Variants in TBC1D1 observed in about 807,000 individuals in gnomAD.
TBC1D1 encodes TBC1 domain family member 1.
A neutral mutation model predicts 125.6 loss-of-function variants in TBC1D1; 89 were observed. The observed-to-expected ratio is 0.71, with a 90% CI of 0.60 to 0.85. The LOEUF (loss-of-function observed/expected upper bound fraction) is 0.85. Ranked by LOEUF, TBC1D1 falls within the 40% of genes least tolerant of loss-of-function variation. The probability of loss-of-function intolerance (pLI) is 0.00; values close to 1 mark genes in which losing one functional copy is unlikely to be tolerated. For synonymous variants in TBC1D1, 565 were observed against 564.1 expected (o/e 1.00, Z -0.02); for missense variants, 1,377 against 1,469.2 (o/e 0.94, Z 1.03).
At chr4:38,009,083 A>G (rs1740932759) in intron 2 of TBC1D1, among the ~76,000 whole-genome samples, 1 of 152,218 alleles carries the variant, frequency 6.6e-6, no homozygotes, top group Non-Finnish European at 1.5e-5. Flanking sequence ...AATTTAAGGC[A>G]TGTAAGATAG....
intron 5 of TBC1D1, 167 bp downstream of exon 5, chr4:38,020,862 C>G: frequency 2.1e-6 from 1 of 470,524 alleles, no homozygotes; most frequent in Non-Finnish European, 3.9e-6. Context: ...ACATCTGAAG[C>G]TTAATTGGCT....
chr4:38,030,511 A>G (rs148491667), intron 7 of TBC1D1: 74 of 152,320 alleles, frequency 4.9e-4, no homozygotes, highest in African/African-American at 1.7e-3. Context: ...CTTTTATTCT[A>G]GAGGCTTGTT....
chr4:37,947,195 C>T (rs540131355), intron 2 of TBC1D1, among the ~76,000 whole-genome samples: 2 of 152,124 alleles, frequency 1.3e-5, no homozygotes, highest in Non-Finnish European at 2.9e-5. Context: ...CTTGCTCTGT[C>T]GCCCAGGCTG....
intron 3 of TBC1D1, among the ~76,000 whole-genome samples, chr4:38,016,799 T>G (rs920906233): frequency 6.6e-6 from 1 of 152,298 alleles, no homozygotes; most frequent in East Asian, 1.9e-4. Context: ...CAGGCACAAC[T>G]TTATGGGTCT....
In TBC1D1 at chr4:38,064,452, G is replaced by A. The variant is rs192679180; in HGVS notation, c.2050+10114G>A. ...TAGGCTTTCCTGCAGGCTGCCATGT[G>A]CCTTTCTTCTGCCTAGGCTGAAACG... On this transcript the variant is annotated intron_variant, in intron 12 of 19. Transcript: ENST00000261439. 9.2e-5 allele frequency among the ~76,000 whole-genome samples: 14 copies of A among 152,238 alleles called. No individual in the cohort carries two copies. In the East Asian group the frequency reaches 2.5e-3, roughly 27 times the overall value.
intron 2 of TBC1D1, among the ~76,000 whole-genome samples, chr4:37,996,518 G>A (rs920027507): frequency 1.1e-4 from 16 of 152,230 alleles, no homozygotes; most frequent in Admixed American, 5.9e-4. Flanking sequence ...AACTGAAATG[G>A]TATGAGAGGA....
intron 2 of TBC1D1, among the ~76,000 whole-genome samples, chr4:37,923,963 A>G (rs922841495): frequency 3.3e-5 from 5 of 152,238 alleles, no homozygotes; most frequent in Admixed American, 6.5e-5. Flanking sequence ...TACAGGCGTG[A>G]GCCAATGCAC....
chr4:37,958,643 A>G (rs910595761), intron 2 of TBC1D1, among the ~76,000 whole-genome samples: 7 of 152,124 alleles, frequency 4.6e-5, no homozygotes. Context: ...CTTCTTTAGG[A>G]CACATATATG....
At position 38,044,266 on chromosome 4, in the gene TBC1D1, G is replaced by A. The variant is rs946791000; in HGVS notation, c.1414-96G>A. ...AGATCACAGACAGGATCAGAATGATGGCCTGGTGCCAAAAAGATGTGTCCT... is the reference window on the plus strand; with the variant it reads ...AGATCACAGACAGGATCAGAATGATAGCCTGGTGCCAAAAAGATGTGTCCT... On this transcript the variant is annotated intron_variant, in intron 8 of 19. Coordinates refer to ENST00000261439, the MANE Select transcript of TBC1D1 (RefSeq NM_015173.4). 16 of 1,348,192 alleles carry A rather than the reference G, an allele frequency of 1.2e-5. No individual in the cohort carries two copies. In the African/African-American group the frequency reaches 2.4e-4, roughly 20 times the overall value. The allele number at this position is 1,348,192 out of a possible 1,614,324, so 83.5% of individuals were successfully genotyped here.
intron 2 of TBC1D1, among the ~76,000 whole-genome samples, chr4:37,911,734 C>T (rs938135914): frequency 2.6e-5 from 4 of 152,116 alleles, no homozygotes; most frequent in Admixed American, 1.3e-4. Flanking sequence ...AGCCAAACAA[C>T]GCATGATTGT....
intron 13 of TBC1D1, among the ~76,000 whole-genome samples, chr4:38,091,652 G>A (rs1173023097): frequency 6.6e-6 from 1 of 152,246 alleles, no homozygotes. Context: ...GCTATAAAAT[G>A]GGAACGGTGC....
intron 8 of TBC1D1, 46 bp downstream of exon 8, chr4:38,035,744 G>A (rs1747087039): frequency 7.2e-7 from 1 of 1,389,524 alleles, no homozygotes; most frequent in Admixed American, 1.8e-5. Context: ...TCTCTGCCAA[G>A]TCTCTGTATA....
intron 1 of TBC1D1, among the ~76,000 whole-genome samples, chr4:37,900,116 G>A (rs1331302630): frequency 1.4e-5 from 2 of 139,108 alleles, no homozygotes; most frequent in Admixed American, 7.3e-5. Context: ...GCGAGGAGCC[G>A]TCTCAAAAAA....
intron 8 of TBC1D1, among the ~76,000 whole-genome samples, chr4:38,042,610 G>C (rs757743948): frequency 6.6e-6 from 1 of 152,100 alleles, no homozygotes; most frequent in African/African-American, 2.4e-5. Flanking sequence ...ACAGCTCTGC[G>C]AGGAAAGTTC....
At chr4:38,107,071 T>C (rs1761434027) in intron 15 of TBC1D1, among the ~76,000 whole-genome samples, 2 of 151,966 alleles carry the variant, frequency 1.3e-5, no homozygotes, top group Non-Finnish European at 2.9e-5. Context: ...TCCACACACT[T>C]CCCGAGGGCC....
intron 2 of TBC1D1, among the ~76,000 whole-genome samples, chr4:37,957,692 A>G (rs1288754960): frequency 6.6e-6 from 1 of 152,100 alleles, no homozygotes; most frequent in East Asian, 1.9e-4. Context: ...CTGACTCCAA[A>G]CTCCATTTTT....
Position 38,045,896 on chromosome 4 carries a change from C to CATTAAGTAA in TBC1D1, c.1622_1623insATTAAGTAA (p.Thr541_Ser542insLeuSerAsn). The CATTAAGTAA allele has an allele frequency of 6.2e-7, 1 of 1,613,838 alleles. No individual in the cohort carries two copies. Among genetic ancestry groups the CATTAAGTAA allele is most frequent in the Non-Finnish European group, 8.5e-7 (1 of 1,179,730 alleles). ...TCCCTGTCTAGTACATTAAGTAACA[C>CATTAAGTAA]CAGCAAAGTAAGCACATTTCTCTTT... On this transcript the variant is annotated inframe_insertion, in exon 10 of 20. Transcript: ENST00000261439.
chr4:38,063,013 A>G (rs1753052140), intron 12 of TBC1D1, among the ~76,000 whole-genome samples: 1 of 152,160 alleles, frequency 6.6e-6, no homozygotes, highest in East Asian at 1.9e-4. Flanking sequence ...ATTCCTCCTT[A>G]GGGCTGGTCT....
intron 12 of TBC1D1, among the ~76,000 whole-genome samples, chr4:38,083,488 T>C (rs1756931220): frequency 6.6e-6 from 1 of 152,234 alleles, no homozygotes; most frequent in Admixed American, 6.5e-5. Flanking sequence ...CACCCCACTT[T>C]CCACAAAAAC....
Sources: gnomAD v4.1 joint callset for allele counts (sites outside exome capture counted in the v4.1 genomes callset) on GRCh38, gnomAD v4.1.1 for gene constraint, MANE v1.5 for transcripts, NCBI Gene and HGNC (gene_info 2026-07-23, HGNC 2026-07-21) for gene names.